CDC42BPA: variants seen among roughly 807,000 people sequenced by gnomAD.
CDC42BPA encodes the protein CDC42 binding protein kinase alpha.
In CDC42BPA, 80 loss-of-function variants were observed where a neutral mutation model predicts 223.5. The observed-to-expected ratio is 0.36, with a 90% CI of 0.30 to 0.43. The LOEUF (loss-of-function observed/expected upper bound fraction) is 0.43, where lower values mean the gene tolerates loss of function less well. Among genes scored for constraint, CDC42BPA ranks in the 20% least tolerant of loss-of-function variants. The pLI, the probability that CDC42BPA is intolerant of heterozygous loss-of-function variation, is 1.00. For missense variants in CDC42BPA, 1,743 were observed against 2,099.9 expected (o/e 0.83, Z 3.32); for synonymous variants, 694 against 718.6 (o/e 0.97, Z 0.55).
At chr1:227,199,338 G>A (rs1671321904) in intron 4 of CDC42BPA, among the ~76,000 whole-genome samples, 1 of 151,978 alleles carries the variant, frequency 6.6e-6, no homozygotes. Context: ...TTTGGATTTA[G>A]TTTTGACTTG....
chr1:227,144,700 A>G (rs1558604004), intron 8 of CDC42BPA, among the ~76,000 whole-genome samples: 1 of 152,032 alleles, frequency 6.6e-6, no homozygotes, highest in Non-Finnish European at 1.5e-5. Context: ...GCAGAGGTCA[A>G]TATACTATGT....
intron 32 of CDC42BPA, among the ~76,000 whole-genome samples, chr1:227,022,586 C>T (rs1667583083): frequency 6.6e-6 from 1 of 152,166 alleles, no homozygotes; most frequent in Non-Finnish European, 1.5e-5. Flanking sequence ...GAAGAGGGCA[C>T]TATAATAATG....
At chr1:227,152,613 AAAG>A (rs768446310) in intron 6 of CDC42BPA, among the ~76,000 whole-genome samples, 2 of 152,220 alleles carry the variant, frequency 1.3e-5, no homozygotes, top group Non-Finnish European at 2.9e-5. Context: ...AGAAGGCAAG[AAAG>A]AAGAAAACAA....
intron 17 of CDC42BPA, among the ~76,000 whole-genome samples, chr1:227,076,953 T>C (rs991809583): frequency 6.6e-6 from 1 of 152,186 alleles, no homozygotes; most frequent in African/African-American, 2.4e-5. Flanking sequence ...ACTATTTTGC[T>C]GAAGCTAATC....
At chr1:227,163,013 C>CGTGT (rs1553371456) in intron 5 of CDC42BPA, among the ~76,000 whole-genome samples, 15,173 of 62,020 alleles carry the variant, frequency 0.24, 934 homozygotes, top group Middle Eastern at 0.38. Flanking sequence ...TGTTTCCAAA[C>CGTGT]GTGTATGTTT....
At chr1:227,312,459 C>T (rs1693694285) in intron 1 of CDC42BPA, among the ~76,000 whole-genome samples, 1 of 152,312 alleles carries the variant, frequency 6.6e-6, no homozygotes, top group East Asian at 1.9e-4. Context: ...TACTGCTATA[C>T]TAAGGTATGC....
intron 2 of CDC42BPA, among the ~76,000 whole-genome samples, chr1:227,249,900 G>C (rs1453068313): frequency 1.3e-5 from 2 of 151,782 alleles, no homozygotes; most frequent in Non-Finnish European, 2.9e-5. Context: ...ACAAGAGGGG[G>C]ACTGTAGTCA....
intron 5 of CDC42BPA, among the ~76,000 whole-genome samples, chr1:227,188,699 G>A (rs148877755): frequency 6.6e-5 from 10 of 152,266 alleles, no homozygotes; most frequent in Non-Finnish European, 1.0e-4. Context: ...TAGCGGGAAG[G>A]GAGGAATAAA....
At chr1:227,269,331 A>G (rs933087033) in intron 1 of CDC42BPA, among the ~76,000 whole-genome samples, 4 of 152,340 alleles carry the variant, frequency 2.6e-5, no homozygotes, top group Admixed American at 1.3e-4. Context: ...AACTATTTGG[A>G]AAAAAACTTT....
At position 227,220,283 on chromosome 1, in the gene CDC42BPA, TA is replaced by T. The variant is rs1476209035; in HGVS notation, c.271-7065del. Among the ~76,000 whole-genome samples the T allele has an allele frequency of 9.7e-4, 25 of 25,852 alleles. 1 individual carries two copies. The highest frequency in any genetic ancestry group is 2.9e-3 in the South Asian group (2 of 700). The allele number at this position is 25,852 out of a possible 152,430, so 17.0% of individuals were successfully genotyped here. On this transcript the variant is annotated intron_variant, in intron 2 of 36. Transcript: ENST00000366766. ...TCTCTTTAATGAAAAAAAGTCATGT[TA>T]TATATATATATATATATATATATAT...
intron 1 of CDC42BPA, among the ~76,000 whole-genome samples, chr1:227,303,266 C>CT (rs1691979752): frequency 1.3e-5 from 2 of 152,226 alleles, no homozygotes; most frequent in Admixed American, 1.3e-4. Flanking sequence ...ATCTGCATCT[C>CT]TAAGTTCTTT....
intron 2 of CDC42BPA, among the ~76,000 whole-genome samples, chr1:227,224,133 T>G (rs1676417544): frequency 6.6e-6 from 1 of 152,216 alleles, no homozygotes; most frequent in East Asian, 1.9e-4. Context: ...AGTTTTTGTA[T>G]TCTGCTTATT....
chr1:227,273,020 C>G (rs774024950), intron 1 of CDC42BPA, among the ~76,000 whole-genome samples: 2 of 152,108 alleles, frequency 1.3e-5, no homozygotes, highest in East Asian at 3.9e-4. Context: ...GGGTTGGGCA[C>G]GGTGGCTCAC....
At chr1:227,268,294 C>G (rs1012664869) in intron 1 of CDC42BPA, among the ~76,000 whole-genome samples, 2 of 152,092 alleles carry the variant, frequency 1.3e-5, no homozygotes, top group African/African-American at 4.8e-5. Flanking sequence ...GGCACACAGA[C>G]GGTGCAGCTC....
chr1:227,206,856 A>G (rs1672824277), intron 3 of CDC42BPA, among the ~76,000 whole-genome samples: 1 of 152,138 alleles, frequency 6.6e-6, no homozygotes. Context: ...ACATATTGCT[A>G]AATTGTATTT....
intron 10 of CDC42BPA, among the ~76,000 whole-genome samples, chr1:227,132,608 G>A (rs1393306753): frequency 7.0e-6 from 1 of 143,014 alleles, no homozygotes; most frequent in African/African-American, 2.6e-5. Context: ...TGGGATGTGA[G>A]GAGCCCCTCT....
At chr1:227,310,985 C>T (rs887514964) in intron 1 of CDC42BPA, among the ~76,000 whole-genome samples, 1 of 152,024 alleles carries the variant, frequency 6.6e-6, no homozygotes, top group African/African-American at 2.4e-5. Context: ...ACCACCGCAC[C>T]CGGCCAAGGA....
intron 1 of CDC42BPA, among the ~76,000 whole-genome samples, chr1:227,294,792 G>A (rs1423759330): frequency 2.9e-5 from 2 of 69,380 alleles, no homozygotes; most frequent in Non-Finnish European, 5.8e-5. Flanking sequence ...CCCGGGAGGC[G>A]GAGCTTGCAG....
chr1:227,108,526 C>A (rs1362803261), intron 14 of CDC42BPA, among the ~76,000 whole-genome samples: 1 of 151,988 alleles, frequency 6.6e-6, no homozygotes, highest in Non-Finnish European at 1.5e-5. Flanking sequence ...AACATGTGGT[C>A]TATCCTGGAG....
Sources: gnomAD v4.1 joint callset for allele counts (sites outside exome capture counted in the v4.1 genomes callset) on GRCh38, gnomAD v4.1.1 for gene constraint, MANE v1.5 for transcripts, NCBI Gene and HGNC (gene_info 2026-07-23, HGNC 2026-07-21) for gene names.